Variants in TRAF2 observed in about 807,000 individuals in gnomAD.
TRAF2 encodes the protein TNF receptor-associated factor 2.
A neutral mutation model predicts 55.6 loss-of-function variants in TRAF2; 6 were observed. The observed-to-expected ratio is 0.11, with a 90% confidence interval of 0.06 to 0.21. The LOEUF (loss-of-function observed/expected upper bound fraction) is 0.21. TRAF2 is among the 10% of genes least tolerant of loss of function. The pLI, the probability that TRAF2 is intolerant of heterozygous loss-of-function variation, is 1.00. For synonymous variants in TRAF2, 329 were observed against 276.3 expected (o/e 1.19, Z -1.89); for missense variants, 561 against 684.5 (o/e 0.82, Z 2.01).
At position 136,920,902 on chromosome 9, in the gene TRAF2, AG is replaced by A. The variant is rs1850368523; in HGVS notation, c.961-133del. ...AGGGTGGGGTTGGGTTCTTGTGTGC[AG>A]GGAGTGGACATGAGAAACATGGAGC... On this transcript the variant is annotated intron_variant, in intron 8 of 10. Coordinates refer to ENST00000247668, the MANE Select transcript of TRAF2 (RefSeq NM_021138.4). The A allele has an allele frequency of 3.7e-6, 4 of 1,085,800 alleles. No homozygotes were observed. In the East Asian group the frequency reaches 7.8e-5, roughly 21 times the overall value. The allele number at this position is 1,085,800 out of a possible 1,614,324, so 67.3% of individuals were successfully genotyped here.
At chr9:136,898,519 C>G (rs909380142) in intron 1 of TRAF2, 194 bp from the exon 2 acceptor site, 1 of 935,234 alleles carries the variant, frequency 1.1e-6, no homozygotes, top group African/African-American at 1.8e-5. Flanking sequence ...AGTTTCCATA[C>G]TAGCGGCGGG....
In TRAF2 at chr9:136,898,931, G is replaced by A. The variant is rs1429084108; in HGVS notation, c.188+3G>A. 6.2e-7 allele frequency: 1 copy of A among 1,601,488 alleles called. No individual in the cohort carries two copies. The highest frequency in any genetic ancestry group is 1.1e-5 in the South Asian group (1 of 89,682). On this transcript the variant is annotated splice_donor_region_variant and intron_variant, in intron 2 of 10. Coordinates refer to ENST00000247668, the MANE Select transcript of TRAF2 (RefSeq NM_021138.4). The stretch of plus-strand genomic sequence containing the variant: ...TTCTGCCTGGCCAGCATCCTCAGGT[G>A]CATGGGGCCTGCAGGCTGGGAGGAG...
intron 1 of TRAF2, among the ~76,000 whole-genome samples, chr9:136,894,203 T>G (rs1006125119): frequency 6.6e-5 from 10 of 151,778 alleles, no homozygotes; most frequent in African/African-American, 2.2e-4. Context: ...CACACCACAA[T>G]GTCCGGCTAA....
chr9:136,906,022 G>A (rs925838377), intron 4 of TRAF2, among the ~76,000 whole-genome samples: 2 of 152,168 alleles, frequency 1.3e-5, no homozygotes, highest in African/African-American at 4.8e-5. Flanking sequence ...GAAGAATGGC[G>A]TGAACCCAGG....
intron 10 of TRAF2, among the ~76,000 whole-genome samples, chr9:136,924,896 G>A (rs373835186): frequency 1.1e-3 from 171 of 152,062 alleles, no homozygotes; most frequent in Middle Eastern, 6.8e-3. Flanking sequence ...GCACCACCAC[G>A]CCCAGCTAAT....
At chr9:136,906,617 T>C (rs1849959099) in intron 4 of TRAF2, among the ~76,000 whole-genome samples, 1 of 152,066 alleles carries the variant, frequency 6.6e-6, no homozygotes, top group South Asian at 2.1e-4. Flanking sequence ...CCAAACCATA[T>C]CAGTGACAAA....
chr9:136,925,796 C>T lies in TRAF2; in HGVS notation c.1401C>T (p.Ser467=), dbSNP rs548723075. The stretch of plus-strand genomic sequence containing the variant: ...CAGTCAACGACATGAACATCGCAAG[C>T]GGCTGCCCCCTCTTCTGCCCCGTCT... ...QRPVNDMNIA[S]GCPLFCPVSK... Residue 467 remains serine, a synonymous_variant, in exon 11 of 11, where the codon AGC becomes AGT. Coordinates refer to ENST00000247668, the MANE Select transcript of TRAF2 (RefSeq NM_021138.4). The T allele has an allele frequency of 6.2e-6, 10 of 1,614,234 alleles. No individual in the cohort carries two copies. The highest frequency in any genetic ancestry group is 4.5e-5 in the East Asian group (2 of 44,884).
At chr9:136,917,899 C>T (rs1358364168) in intron 7 of TRAF2, among the ~76,000 whole-genome samples, 6 of 152,026 alleles carry the variant, frequency 3.9e-5, no homozygotes, top group East Asian at 3.9e-4. Context: ...TGCTTGCTGC[C>T]GCCACCGTGC....
rs777052634 is a variant in TRAF2, at chr9:136,925,713, C to T, written c.1318C>T (p.Arg440Trp). ...CTTAATGCTGCTCGACCAGAATAAC[C>T]GGGAGCACGTGATTGACGCCTTCAG... The part of the protein sequence containing the change: ...VTLMLLDQNN[R>W]EHVIDAFRPD... The change falls in exon 11 of 11, where the codon CGG becomes TGG. Residue 440 changes from arginine to tryptophan, a missense_variant. By Grantham distance (101) the Arg-to-Trp change is moderately radical (BLOSUM62 -3). Coordinates refer to ENST00000247668, the MANE Select transcript of TRAF2 (RefSeq NM_021138.4). 9 of 1,614,072 alleles carry T rather than the reference C, an allele frequency of 5.6e-6. No individual in the cohort carries two copies. The highest frequency in any genetic ancestry group is 5.0e-5 in the Admixed American group (3 of 60,014).
chr9:136,886,459 CGCGGCGGAGCGGCG>C, upstream of TRAF2: 1 of 1,005,770 alleles, frequency 9.9e-7, no homozygotes, highest in South Asian at 4.2e-5. Context: ...GTCAGGCGCA[CGCGGCGGAGCGGCG>C]GCGGCGGCGG....
At chr9:136,898,972 G>A in intron 2 of TRAF2, 44 bp downstream of exon 2, 2 of 1,546,180 alleles carry the variant, frequency 1.3e-6, no homozygotes, top group Non-Finnish European at 1.7e-6. Context: ...GGCAGGCTAG[G>A]CTGGTTTTAG....
Position 136,898,917 on chromosome 9 carries a change from C to T in TRAF2, c.177C>T (p.Ala59=). 1.2e-6 allele frequency: 2 copies of T among 1,607,408 alleles called. No homozygotes were observed. Among genetic ancestry groups the T allele is most frequent in the Non-Finnish European group, 1.7e-6 (2 of 1,177,788 alleles). Residue 59 remains alanine, a synonymous_variant, in exon 2 of 11, where the codon GCC becomes GCT. Transcript: ENST00000247668. ...CGHRYCSFCL[A]SILSSGPQNC... is the part of the protein sequence containing the mutation. ...ACCGGTACTGCTCCTTCTGCCTGGC[C>T]AGCATCCTCAGGTGCATGGGGCCTG...
At chr9:136,912,243 A>G (rs912976076) in intron 6 of TRAF2, among the ~76,000 whole-genome samples, 3 of 139,716 alleles carry the variant, frequency 2.1e-5, no homozygotes, top group Admixed American at 1.5e-4. Flanking sequence ...GCTCATTGCA[A>G]CTTCTGCCTC....
At chr9:136,882,298 G>A (rs945549215), upstream of TRAF2, among the ~76,000 whole-genome samples, 4 of 152,228 alleles carry the variant, frequency 2.6e-5, no homozygotes, top group African/African-American at 9.6e-5. Flanking sequence ...GAGCCCTGCT[G>A]GGCACAGGGC....
At chr9:136,884,227 C>T (rs548162916), upstream of TRAF2, among the ~76,000 whole-genome samples, 1 of 151,578 alleles carries the variant, frequency 6.6e-6, no homozygotes, top group African/African-American at 2.4e-5. Context: ...GGATTACAGG[C>T]ATGAGCCGCC....
chr9:136,888,882 T>G (rs1023370564), intron 1 of TRAF2, among the ~76,000 whole-genome samples: 2 of 152,184 alleles, frequency 1.3e-5, no homozygotes, highest in African/African-American at 4.8e-5. Context: ...CCCACTCTCC[T>G]GTGGAGGGGA....
At chr9:136,911,224 G>T (rs1182643987) in intron 6 of TRAF2, among the ~76,000 whole-genome samples, 1 of 151,932 alleles carries the variant, frequency 6.6e-6, no homozygotes, top group African/African-American at 2.4e-5. Flanking sequence ...CTGTGAACAC[G>T]GGGCTTTCTC....
intron 4 of TRAF2, among the ~76,000 whole-genome samples, chr9:136,905,666 C>G (rs992025715): frequency 1.3e-5 from 2 of 152,224 alleles, no homozygotes; most frequent in Admixed American, 6.5e-5. Context: ...CATTCCCTTT[C>G]TCTGTTCCCA....
intron 1 of TRAF2, among the ~76,000 whole-genome samples, chr9:136,889,120 C>T (rs549389321): frequency 2.1e-4 from 32 of 152,292 alleles, no homozygotes; most frequent in Non-Finnish European, 3.4e-4. Context: ...CTCGGCCTCC[C>T]AGAGTGCTGG....
Sources: gnomAD v4.1 joint callset for allele counts (sites outside exome capture counted in the v4.1 genomes callset) on GRCh38, gnomAD v4.1.1 for gene constraint, MANE v1.5 for transcripts, NCBI Gene and HGNC (gene_info 2026-07-23, HGNC 2026-07-21) for gene names.